The following TREML2 variants were observed in gnomAD, a reference collection of about 807,000 sequenced individuals.
TREML2 encodes trem-like transcript 2 protein.
TREML2 carries 24 observed loss-of-function variants against 25.9 expected under a neutral mutation model. That is an observed-to-expected ratio of 0.93 (90% CI 0.67 to 1.30). The LOEUF (loss-of-function observed/expected upper bound fraction) is 1.30, where lower values mean the gene tolerates loss of function less well. Ranked by LOEUF, TREML2 falls within the 50% of genes most tolerant of loss-of-function variation. The pLI is 0.00. For missense variants in TREML2, 359 were observed against 395.6 expected (o/e 0.91, Z 0.78); for synonymous variants, 139 against 155.2 (o/e 0.90, Z 0.77).
At chr6:41,192,957 C>T in intron 3 of TREML2, 56 bp from the exon 4 acceptor site, 1 of 1,404,198 alleles carries the variant, frequency 7.1e-7, no homozygotes, top group Non-Finnish European at 9.6e-7. Context: ...CCATCCTAAC[C>T]CACGTTGGGA....
At chr6:41,196,282 AGCAATGAGATTTG>A (rs1337220356) in intron 2 of TREML2, among the ~76,000 whole-genome samples, 1 of 152,194 alleles carries the variant, frequency 6.6e-6, no homozygotes, top group East Asian at 1.9e-4. Context: ...TGGAGAGGGG[AGCAATGAGATTTG>A]GCTCCACATT....
rs1453531484 is a variant in TREML2, at chr6:41,194,478, G to A, written c.732C>T (p.Leu244=). Residue 244 remains leucine (L), a synonymous_variant, in exon 3 of 5, where the codon CTC becomes CTT. Transcript: ENST00000483722. ...TGAGGAGAGATCTGCTGGTGAGGCAGAGCCCTGTGGTGGGCGATCTGGTGC... is the reference window on the plus strand; with the variant it reads ...TGAGGAGAGATCTGCTGGTGAGGCAAAGCCCTGTGGTGGGCGATCTGGTGC... ...DLSTRSPTTG[L]CLTSRSLLNR... 4 of 1,609,500 alleles carry A rather than the reference G, an allele frequency of 2.5e-6. No individual in the cohort carries two copies. The highest frequency in any genetic ancestry group is 3.4e-5 in the Admixed American group (2 of 59,302).
At position 41,194,687 on chromosome 6, in the gene TREML2, A is replaced by C; in HGVS notation, c.523T>G (p.Leu175Val). 1 of 1,614,108 alleles carries C rather than the reference A, an allele frequency of 6.2e-7. No homozygotes were observed. The highest frequency in any genetic ancestry group is 8.5e-7 in the Non-Finnish European group (1 of 1,180,004). ...CTGGTGGAGGCTAAGAGCCTAGGCA[A>C]GGTGATGAGTCCTGGGGTGAACACC... ...VMVFTPGLIT[L>V]PRLLASTRPA... The change falls in exon 3 of 5, where the codon TTG becomes GTG. Residue 175 changes from leucine to valine, a missense_variant. Physicochemically the swap from Leu to Val is conservative, Grantham distance 32. Coordinates refer to ENST00000483722, the MANE Select transcript of TREML2 (RefSeq NM_024807.4).
chr6:41,192,345 G>A lies in TREML2; in HGVS notation c.*82C>T, dbSNP rs538028008. 1.2e-5 allele frequency: 13 copies of A among 1,116,530 alleles called. No individual in the cohort carries two copies. Among genetic ancestry groups the A allele is most frequent in the Admixed American group, 3.8e-5 (2 of 52,930 alleles). The allele number at this position is 1,116,530 out of a possible 1,614,324, so 69.2% of individuals were successfully genotyped here. On this transcript the variant is annotated 3_prime_UTR_variant, in exon 5 of 5. Coordinates refer to ENST00000483722, the MANE Select transcript of TREML2 (RefSeq NM_024807.4). ...ACAAGTCCTCCAGCTTCATAAGATCGATACTGGCCCCAATCTTCACCCCTC... is the reference window on the plus strand; with the variant it reads ...ACAAGTCCTCCAGCTTCATAAGATCAATACTGGCCCCAATCTTCACCCCTC...
In TREML2 at chr6:41,200,974, C is replaced by T. The variant is rs1393849481; in HGVS notation, c.35G>A (p.Trp12Ter). 1 of 1,583,812 alleles carries T rather than the reference C, an allele frequency of 6.3e-7. No individual in the cohort carries two copies. The highest frequency in any genetic ancestry group is 8.6e-7 in the Non-Finnish European group (1 of 1,164,936). ...APAFLLLLLL[W>*]PQGCVSGPSA... ...CTCACCTGAGACGCAACCCTGTGGCCACAGCAGCAGCAGCAGCAGGAAGGC... is the reference window on the plus strand; with the variant it reads ...CTCACCTGAGACGCAACCCTGTGGCTACAGCAGCAGCAGCAGCAGGAAGGC... The change falls in exon 1 of 5, where the codon TGG becomes TAG. Residue 12 changes from tryptophan to a stop codon, truncating the protein, a stop_gained. Coordinates refer to ENST00000483722, the MANE Select transcript of TREML2 (RefSeq NM_024807.4). LOFTEE classifies it high-confidence loss of function.
intron 1 of TREML2, among the ~76,000 whole-genome samples, chr6:41,199,697 A>G (rs1766241169): frequency 6.6e-6 from 1 of 152,162 alleles, no homozygotes; most frequent in African/African-American, 2.4e-5. Flanking sequence ...ATTTCACCCC[A>G]GAGTCTTCCA....
chr6:41,197,591 C>T lies in TREML2; in HGVS notation c.376+518G>A, dbSNP rs114954443. Among the ~76,000 whole-genome samples, 702 of 152,264 alleles carry T rather than the reference C, an allele frequency of 4.6e-3. 4 individuals are homozygous for T. The highest frequency in any genetic ancestry group is 8.2e-3 in the Non-Finnish European group (556 of 68,018). On this transcript the variant is annotated intron_variant, in intron 2 of 4. Coordinates refer to ENST00000483722, the MANE Select transcript of TREML2 (RefSeq NM_024807.4). ...AGTACTTCAGTAGCTCCCCCACCAC[C>T]GAGTCGCTTACTAGTTCATGAACAC...
At chr6:41,193,535 G>T (rs1302938197) in intron 3 of TREML2, among the ~76,000 whole-genome samples, 1 of 152,102 alleles carries the variant, frequency 6.6e-6, no homozygotes, top group African/African-American at 2.4e-5. Context: ...CAGCTGCTTG[G>T]TTAAGTACTC....
At position 41,198,102 on chromosome 6, in the gene TREML2, T is replaced by C. The variant is rs6902672; in HGVS notation, c.376+7A>G. On this transcript the variant is annotated splice_region_variant and intron_variant, in intron 2 of 4. Coordinates refer to ENST00000483722, the MANE Select transcript of TREML2 (RefSeq NM_024807.4). Reference sequence around the variant, plus strand: ...CACCCGTCCCAGAGCCACTGCAGCCTGCTCACCTGGAGACACATCCAGCTG... The same window carrying C: ...CACCCGTCCCAGAGCCACTGCAGCCCGCTCACCTGGAGACACATCCAGCTG... 0.21 allele frequency: 329,322 copies of C among 1,568,106 alleles called. 31,920 individuals carry two copies. Among genetic ancestry groups the C allele is most frequent in the African/African-American group, 0.38 (28,295 of 73,616 alleles).
At position 41,198,514 on chromosome 6, in the gene TREML2, A is replaced by G. The variant is rs531590967; in HGVS notation, c.56-85T>C. On this transcript the variant is annotated intron_variant, in intron 1 of 4. Coordinates refer to ENST00000483722, the MANE Select transcript of TREML2 (RefSeq NM_024807.4). Reference sequence around the variant, plus strand: ...AAAGTTGAAGATCATGGTGAAGGGTAGAGTGGATATTGTCCTGCTGTCACA... The same window carrying G: ...AAAGTTGAAGATCATGGTGAAGGGTGGAGTGGATATTGTCCTGCTGTCACA... 4.1e-5 allele frequency: 57 copies of G among 1,375,752 alleles called. No homozygotes were observed. The African/African-American group carries it at 5.7e-4, about 14-fold the overall frequency. The allele number at this position is 1,375,752 out of a possible 1,614,324, so 85.2% of individuals were successfully genotyped here.
intron 2 of TREML2, among the ~76,000 whole-genome samples, chr6:41,195,971 C>T (rs55862069): frequency 6.6e-6 from 1 of 152,104 alleles, no homozygotes; most frequent in Non-Finnish European, 1.5e-5. Context: ...CTTTCCTTCT[C>T]CACTTTAGAT....
intron 3 of TREML2, 76 bp from the exon 4 acceptor site, chr6:41,192,977 CA>C: frequency 8.1e-7 from 1 of 1,237,424 alleles, no homozygotes; most frequent in Non-Finnish European, 1.1e-6. Flanking sequence ...ATCGGACCAG[CA>C]GCAGAAACCC....
chr6:41,194,435 G>T lies in TREML2; in HGVS notation c.775C>A (p.Pro259Thr), dbSNP rs770927652. The change falls in exon 3 of 5, where the codon CCC (proline) becomes ACC (threonine). Residue 259 changes from proline to threonine, a missense_variant. By Grantham distance (38) the Pro-to-Thr change is conservative. Coordinates refer to ENST00000483722, the MANE Select transcript of TREML2 (RefSeq NM_024807.4). ...RSLLNRLPSMPSIRHQDVYST... is the reference protein window; with the variant it reads ...RSLLNRLPSMTSIRHQDVYST... ...AGGCCCCACAGGTACCTGATGGAGG[G>T]CATGGAGGGTAGTCTGTTGAGGAGA... 1.5e-5 allele frequency: 24 copies of T among 1,569,556 alleles called. No homozygotes were observed. In the Admixed American group the frequency reaches 1.7e-4, roughly 11 times the overall value.
In TREML2 at chr6:41,190,871, C is replaced by T. The variant is rs1291671953; in HGVS notation, c.*1556G>A. 1 of 152,134 alleles carries T rather than the reference C, an allele frequency of 6.6e-6. No homozygotes were observed. The highest frequency in any genetic ancestry group is 2.4e-5 in the African/African-American group (1 of 41,252). The allele number at this position is 152,134 out of a possible 1,614,324, so 9.4% of individuals were successfully genotyped here. A position where few individuals can be genotyped will look rare whatever the true frequency, so the allele number is the denominator to read the frequency against. On this transcript the variant is annotated 3_prime_UTR_variant, in exon 5 of 5. Coordinates refer to ENST00000483722, the MANE Select transcript of TREML2 (RefSeq NM_024807.4). Reference sequence around the variant, plus strand: ...TGTGCGTGTCTGTCTGTCTGTCTGTCTGTCTGTCTGTCTGTCTGTCCTGGG... The same window carrying T: ...TGTGCGTGTCTGTCTGTCTGTCTGTTTGTCTGTCTGTCTGTCTGTCCTGGG...
chr6:41,195,580 G>A (rs888354091), intron 2 of TREML2, among the ~76,000 whole-genome samples: 2 of 152,208 alleles, frequency 1.3e-5, no homozygotes, highest in African/African-American at 4.8e-5. Flanking sequence ...GGCTGAGCTT[G>A]AGCCATTTTT....
chr6:41,196,815 C>A (rs572993667), intron 2 of TREML2, among the ~76,000 whole-genome samples: 1 of 152,218 alleles, frequency 6.6e-6, no homozygotes, highest in Non-Finnish European at 1.5e-5. Context: ...AATACATACC[C>A]CAGCTCTGAC....
At chr6:41,196,621 C>A (rs1054071834) in intron 2 of TREML2, among the ~76,000 whole-genome samples, 11 of 152,110 alleles carry the variant, frequency 7.2e-5, no homozygotes, top group African/African-American at 2.7e-4. Flanking sequence ...AGTTATGCAA[C>A]CATCATCACA....
rs761241455 is a variant in TREML2, at chr6:41,201,041, A to T, written c.-33T>A. Reference sequence around the variant, plus strand: ...TCCAGCTGGGCAGTGTCAGGCCTGGAGATCCAAGGTGAGGGCCCACCCGAC... The same window carrying T: ...TCCAGCTGGGCAGTGTCAGGCCTGGTGATCCAAGGTGAGGGCCCACCCGAC... On this transcript the variant is annotated 5_prime_UTR_variant, in exon 1 of 5. Coordinates refer to ENST00000483722, the MANE Select transcript of TREML2 (RefSeq NM_024807.4). 4 of 1,611,590 alleles carry T rather than the reference A, an allele frequency of 2.5e-6. No individual in the cohort carries two copies. In the East Asian group the frequency reaches 8.9e-5, roughly 36 times the overall value.
chr6:41,194,920 A>G, intron 2 of TREML2, 87 bp from the exon 3 acceptor site: 1 of 1,313,330 alleles, frequency 7.6e-7, no homozygotes, highest in Non-Finnish European at 1.0e-6. Context: ...AGTTGCCTGG[A>G]AGCCTGGATG....
Sources: allele counts gnomAD v4.1 joint callset (sites outside exome capture counted in the v4.1 genomes callset), GRCh38; gene constraint gnomAD v4.1.1; transcripts MANE v1.5; gene names NCBI Gene and HGNC (gene_info 2026-07-23, HGNC 2026-07-21).